Variants in CHD1 observed in about 807,000 individuals in gnomAD.
CHD1 encodes the protein ATP-dependent chromatin remodeler CHD1.
In CHD1, 36 loss-of-function variants were observed where a neutral mutation model predicts 224.2. The observed-to-expected ratio is 0.16, with a 90% CI of 0.12 to 0.21. CHD1 has a LOEUF of 0.21. Ranked by LOEUF, CHD1 falls within the 10% of genes least tolerant of loss-of-function variation. CHD1 has a pLI of 1.00. For synonymous variants in CHD1, 668 were observed against 658.3 expected (o/e 1.01, Z -0.23); for missense variants, 1,378 against 1,994.8 (o/e 0.69, Z 5.89).
chr5:98,918,939 A>AC (rs1468966700), intron 2 of CHD1, among the ~76,000 whole-genome samples: 1 of 152,096 alleles, frequency 6.6e-6, no homozygotes, highest in Admixed American at 6.6e-5. Context: ...TTTTCTTTTT[A>AC]CCTCACTTGC....
chr5:98,884,421 C>T (rs766900615), intron 18 of CHD1, among the ~76,000 whole-genome samples: 2 of 152,034 alleles, frequency 1.3e-5, no homozygotes, highest in Admixed American at 6.6e-5. Flanking sequence ...GAAAACCAAA[C>T]ATTGTATGTT....
chr5:98,898,318 C>A lies in CHD1; in HGVS notation c.1303G>T (p.Ala435Ser), dbSNP rs1205313257. The A allele has an allele frequency of 1.9e-6, 3 of 1,601,762 alleles. No individual in the cohort carries two copies. The African/African-American group carries it at 4.0e-5, about 21-fold the overall frequency. The change falls in exon 10 of 36, where the codon GCA (alanine) becomes TCA (serine). Residue 435 changes from alanine (A) to serine (S), a missense_variant. Ala to Ser is a moderately conservative substitution (Grantham distance 99). This residue lies in a region of CHD1 where 86 missense variants were observed against 97.7 expected (regional missense o/e 0.88). Coordinates refer to ENST00000614616, the MANE Select transcript of CHD1 (RefSeq NM_001270.4). ...DGALISKKFQ[A>S]CIDEYFSRNQ... ...CTGCTAAAATACTCATCAATGCATG[C>A]TTGAAACTTTTTGGAAATGAGAGCT... is the stretch of plus-strand genomic sequence containing the variant.
intron 2 of CHD1, among the ~76,000 whole-genome samples, chr5:98,922,949 G>A (rs1580539106): frequency 1.3e-5 from 2 of 152,056 alleles, no homozygotes; most frequent in South Asian, 2.1e-4. Flanking sequence ...AGGTCATACC[G>A]CTGCACTGCA....
intron 15 of CHD1, 103 bp downstream of exon 15, chr5:98,892,422 C>CT (rs1264257681): frequency 1.3e-6 from 1 of 755,260 alleles, no homozygotes; most frequent in Non-Finnish European, 2.1e-6. Flanking sequence ...TGCAACTGCT[C>CT]TAAGACACTA....
intron 17 of CHD1, among the ~76,000 whole-genome samples, chr5:98,887,004 TG>T (rs1750694274): frequency 6.6e-6 from 1 of 152,024 alleles, no homozygotes; most frequent in East Asian, 1.9e-4. Context: ...GGAAGGCAAA[TG>T]GAAGGACAAG....
rs142205570 is a variant in CHD1, at chr5:98,883,069, A to G, written c.2718+19T>C. The G allele has an allele frequency of 1.1e-4, 147 of 1,392,288 alleles. 1 individual carries two copies. In the East Asian group the frequency reaches 3.9e-3, roughly 37 times the overall value. The allele number at this position is 1,392,288 out of a possible 1,614,324, so 86.2% of individuals were successfully genotyped here. ...GAATTCTAAAACAGCAATATAATAT[A>G]AATTAAAATTAAAAATACCTGTTTC... On this transcript the variant is annotated intron_variant, in intron 19 of 35. Coordinates refer to ENST00000614616, the MANE Select transcript of CHD1 (RefSeq NM_001270.4).
intron 5 of CHD1, among the ~76,000 whole-genome samples, chr5:98,902,672 G>T (rs400928): frequency 0.012 from 1,799 of 152,034 alleles, 31 homozygotes; most frequent in African/African-American, 0.041. Flanking sequence ...ATATATAGGG[G>T]GAGTTACAGG....
intron 17 of CHD1, among the ~76,000 whole-genome samples, chr5:98,887,660 C>G (rs923868234): frequency 6.6e-6 from 1 of 152,084 alleles, no homozygotes; most frequent in Non-Finnish European, 1.5e-5. Context: ...TTTTACTCAA[C>G]AAACCCTGTG....
At position 98,928,709 on chromosome 5, in the gene CHD1, C is replaced by A. The variant is rs183722106; in HGVS notation, c.-319G>T. ...GCGGAGGGGAAGGGGAAGCCCCGGT[C>A]CGCAGCACCAACGCGCGATCCCCTG... On this transcript the variant is annotated 5_prime_UTR_variant, in exon 1 of 36. Transcript: ENST00000614616. 2.6e-5 allele frequency: 4 copies of A among 153,928 alleles called. No homozygotes were observed. In the East Asian group the frequency reaches 5.8e-4, roughly 22 times the overall value. The allele number at this position is 153,928 out of a possible 1,614,324, so 9.5% of individuals were successfully genotyped here. A position where few individuals can be genotyped will look rare whatever the true frequency, so the allele number is the denominator to read the frequency against.
Position 98,872,186 on chromosome 5 carries a change from G to A in CHD1, c.3726C>T (p.Cys1242=). ...PEERKQYTIP[C]HTKAAHFDID... is the part of the protein sequence containing the mutation. ...TATCAAAATGAGCTGCCTTTGTGTG[G>A]CATGGGATAGTATACCTGGCATCAA... The change falls in exon 28 of 36, where the codon TGC becomes TGT. Residue 1242 remains cysteine, a synonymous_variant. Coordinates refer to ENST00000614616, the MANE Select transcript of CHD1 (RefSeq NM_001270.4). 1.2e-6 allele frequency: 2 copies of A among 1,612,876 alleles called. No individual in the cohort carries two copies. The highest frequency in any genetic ancestry group is 2.2e-5 in the South Asian group (2 of 90,814).
At position 98,893,644 on chromosome 5, in the gene CHD1, C is replaced by T. The variant is rs559320167; in HGVS notation, c.1801-38G>A. On this transcript the variant is annotated intron_variant, in intron 13 of 35. Coordinates refer to ENST00000614616, the MANE Select transcript of CHD1 (RefSeq NM_001270.4). ...GAAAAACAGTATTTTGAGAGAAAAACGGAATTCAAATTTAGCCTTCCCATT... is the reference window on the plus strand; with the variant it reads ...GAAAAACAGTATTTTGAGAGAAAAATGGAATTCAAATTTAGCCTTCCCATT... 77 of 1,355,906 alleles carry T rather than the reference C, an allele frequency of 5.7e-5. No homozygotes were observed. The Middle Eastern group carries it at 7.6e-4, about 13-fold the overall frequency. The allele number at this position is 1,355,906 out of a possible 1,614,324, so 84.0% of individuals were successfully genotyped here. A position where few individuals can be genotyped will look rare whatever the true frequency, so the allele number is the denominator to read the frequency against.
chr5:98,901,183 T>C lies in CHD1; in HGVS notation c.587+3A>G, dbSNP rs780269638. 2.5e-6 allele frequency: 4 copies of C among 1,610,460 alleles called. No homozygotes were observed. The highest frequency in any genetic ancestry group is 3.4e-6 in the Non-Finnish European group (4 of 1,178,892). On this transcript the variant is annotated splice_donor_region_variant and intron_variant, in intron 6 of 35. Coordinates refer to ENST00000614616, the MANE Select transcript of CHD1 (RefSeq NM_001270.4). ...AATTTTCAGCACCAAACTGAGACCA[T>C]ACCTATTTTGAGGTTTTCTGCTTTT...
intron 26 of CHD1, 84 bp from the exon 27 acceptor site, chr5:98,872,639 A>T: frequency 8.8e-7 from 1 of 1,132,138 alleles, no homozygotes; most frequent in Non-Finnish European, 1.3e-6. Flanking sequence ...GCTATTACTT[A>T]TGTTATTTAA....
At chr5:98,921,066 A>T (rs1184083070) in intron 2 of CHD1, among the ~76,000 whole-genome samples, 4 of 152,154 alleles carry the variant, frequency 2.6e-5, no homozygotes, top group Non-Finnish European at 4.4e-5. Flanking sequence ...TAAAAAAATA[A>T]ATAAAATGGC....
chr5:98,900,441 C>CTTTT (rs766270530), intron 7 of CHD1, among the ~76,000 whole-genome samples: 1 of 140,974 alleles, frequency 7.1e-6, no homozygotes, highest in African/African-American at 2.6e-5. Context: ...AATACTTTAC[C>CTTTT]TTTTTTTTTT....
intron 18 of CHD1, among the ~76,000 whole-genome samples, chr5:98,884,641 T>A (rs996174572): frequency 6.6e-6 from 1 of 151,984 alleles, no homozygotes; most frequent in Non-Finnish European, 1.5e-5. Context: ...ATCACCTGTT[T>A]CCCAAAAATC....
chr5:98,890,781 T>C (rs1463754799), intron 15 of CHD1, among the ~76,000 whole-genome samples: 1 of 152,168 alleles, frequency 6.6e-6, no homozygotes, highest in African/African-American at 2.4e-5. Flanking sequence ...CAGAGGATAC[T>C]GTTAAACTAT....
At chr5:98,896,085 G>C in intron 12 of CHD1, 141 bp downstream of exon 12, 1 of 658,490 alleles carries the variant, frequency 1.5e-6, no homozygotes, top group Non-Finnish European at 2.7e-6. Context: ...TGCTCCTGTG[G>C]TCCCAGTTGC....
chr5:98,856,459 T>A lies in CHD1; in HGVS notation c.5054A>T (p.Tyr1685Phe). Residue 1685 changes from tyrosine to phenylalanine, a missense_variant, in exon 36 of 36, where the codon TAT becomes TTT. Around this residue, in one of 16 missense-constraint regions of CHD1, gnomAD observed 278 missense variants for 298.5 expected, o/e 0.93. Transcript: ENST00000614616. ...PRSPLDQRSP[Y>F]GSRSPFEHSV... ...ATGTTCAAATGGAGATCTGGAGCCATAAGGAGATCTCTGATCTAGTGGTGA... is the reference window on the plus strand; with the variant it reads ...ATGTTCAAATGGAGATCTGGAGCCAAAAGGAGATCTCTGATCTAGTGGTGA... 8.8e-6 allele frequency: 14 copies of A among 1,598,236 alleles called. No individual in the cohort carries two copies. The highest frequency in any genetic ancestry group is 1.2e-5 in the Non-Finnish European group (14 of 1,172,412).
Sources: allele counts gnomAD v4.1 joint callset (sites outside exome capture counted in the v4.1 genomes callset), GRCh38; gene constraint gnomAD v4.1.1; regional missense constraint gnomAD v4.1.1; transcripts MANE v1.5; gene names NCBI Gene and HGNC (gene_info 2026-07-23, HGNC 2026-07-21).